MAN1C1: variants seen among roughly 807,000 people sequenced by gnomAD.
MAN1C1 encodes the protein mannosyl-oligosaccharide 1,2-alpha-mannosidase IC.
MAN1C1 carries 49 observed loss-of-function variants against 71.5 expected under a neutral mutation model. The ratio of observed to expected loss-of-function variants is 0.69; its 90% CI spans 0.54 to 0.87. The LOEUF (loss-of-function observed/expected upper bound fraction) is 0.87, where lower values mean the gene tolerates loss of function less well. Among genes scored for constraint, MAN1C1 ranks in the 40% least tolerant of loss-of-function variants. The pLI, the probability that MAN1C1 is intolerant of heterozygous loss-of-function variation, is 0.00. For missense variants in MAN1C1, 743 were observed against 835.0 expected (o/e 0.89, Z 1.36); for synonymous variants, 352 against 343.7 (o/e 1.02, Z -0.27).
At chr1:25,648,125 C>T (rs2045641674) in intron 1 of MAN1C1, among the ~76,000 whole-genome samples, 2 of 152,324 alleles carry the variant, frequency 1.3e-5, no homozygotes, top group South Asian at 4.1e-4. Flanking sequence ...AAGTCAGTGC[C>T]ATCTTATAAG....
chr1:25,655,678 G>C (rs147746659), intron 1 of MAN1C1, among the ~76,000 whole-genome samples: 1 of 152,052 alleles, frequency 6.6e-6, no homozygotes, highest in African/African-American at 2.4e-5. Flanking sequence ...TCTCTTATCG[G>C]CCTCTAATTA....
At chr1:25,648,683 A>G (rs781392197) in intron 1 of MAN1C1, among the ~76,000 whole-genome samples, 1 of 152,220 alleles carries the variant, frequency 6.6e-6, no homozygotes, top group Non-Finnish European at 1.5e-5. Context: ...ATGAGACACA[A>G]TTAGCATCCT....
chr1:25,721,394 A>G (rs1320802064), intron 2 of MAN1C1, among the ~76,000 whole-genome samples: 1 of 152,216 alleles, frequency 6.6e-6, no homozygotes, highest in Admixed American at 6.5e-5. Flanking sequence ...TTTTAATAAT[A>G]CTAAGTTTTC....
At chr1:25,682,729 A>G (rs2046171735) in intron 1 of MAN1C1, among the ~76,000 whole-genome samples, 1 of 152,150 alleles carries the variant, frequency 6.6e-6, no homozygotes. Flanking sequence ...GCAGCCCATC[A>G]CTGAGCGTGT....
chr1:25,640,760 G>A (rs938104003), intron 1 of MAN1C1, among the ~76,000 whole-genome samples: 1 of 152,202 alleles, frequency 6.6e-6, no homozygotes, highest in African/African-American at 2.4e-5. Context: ...CCACACTAAT[G>A]TACACTCAGA....
At chr1:25,771,555 T>TACAGGCACCGGGCCCCTGAGGTC in intron 7 of MAN1C1, 102 bp from the exon 8 acceptor site, 1 of 828,668 alleles carries the variant, frequency 1.2e-6, no homozygotes, top group African/African-American at 1.7e-5. Context: ...TTCCTACCCG[T>TACAGGCACCGGGCCCCTGAGGTC]ACAGGCACCG....
chr1:25,668,320 TCTC>T (rs563027592), intron 1 of MAN1C1, among the ~76,000 whole-genome samples: 3 of 152,096 alleles, frequency 2.0e-5, no homozygotes, highest in African/African-American at 7.2e-5. Flanking sequence ...CATTCAGAAT[TCTC>T]CTGCTGGCTG....
intron 1 of MAN1C1, among the ~76,000 whole-genome samples, chr1:25,679,950 A>AAAAAAT (rs1285307256): frequency 4.4e-4 from 51 of 117,216 alleles, no homozygotes; most frequent in African/African-American, 1.9e-3. Flanking sequence ...AAAAAAAAAA[A>AAAAAAT]ATATATATAT....
At chr1:25,703,668 C>T (rs1324568609) in intron 2 of MAN1C1, among the ~76,000 whole-genome samples, 3 of 151,792 alleles carry the variant, frequency 2.0e-5, no homozygotes, top group Non-Finnish European at 4.4e-5. Context: ...GCAACAAGAG[C>T]GAAACTCTGT....
At chr1:25,648,975 G>A (rs2045653790) in intron 1 of MAN1C1, among the ~76,000 whole-genome samples, 3 of 152,204 alleles carry the variant, frequency 2.0e-5, no homozygotes, top group Non-Finnish European at 4.4e-5. Flanking sequence ...ATTCTTCCCT[G>A]ACTACCTGTC....
chr1:25,635,542 C>T (rs562683797), intron 1 of MAN1C1, among the ~76,000 whole-genome samples: 17 of 151,510 alleles, frequency 1.1e-4, no homozygotes, highest in African/African-American at 2.4e-4. Context: ...CTCTGCCTCC[C>T]GAGTTCAAGT....
intron 1 of MAN1C1, chr1:25,654,148 A>G (rs1481028569): frequency 6.6e-6 from 1 of 152,284 alleles, no homozygotes; most frequent in Non-Finnish European, 1.5e-5. Context: ...TCATCCCTTC[A>G]TCCCCCAACC....
At chr1:25,690,288 CTTTTTTTT>C (rs33932251) in intron 2 of MAN1C1, among the ~76,000 whole-genome samples, 2 of 119,762 alleles carry the variant, frequency 1.7e-5, no homozygotes, top group Non-Finnish European at 3.3e-5. Context: ...ATCTCTGCCT[CTTTTTTTT>C]TTTTTTTTTT....
chr1:25,720,747 T>C (rs1158313724), intron 2 of MAN1C1, among the ~76,000 whole-genome samples: 1 of 152,220 alleles, frequency 6.6e-6, no homozygotes, highest in Admixed American at 6.5e-5. Flanking sequence ...TCCATTGCCT[T>C]ACCCAAGGTC....
rs368312740 is a variant in MAN1C1 at position 25,624,350 on chromosome 1, A to G, written c.540+6013A>G. Reference sequence around the variant, plus strand: ...TTTGGTGTCTCCACCCTCAAAGAGAATAGAAGCCACAGAGACCACAGCCTC... The same window carrying G: ...TTTGGTGTCTCCACCCTCAAAGAGAGTAGAAGCCACAGAGACCACAGCCTC... On this transcript the variant is annotated intron_variant, in intron 1 of 11. Coordinates refer to ENST00000374332, the MANE Select transcript of MAN1C1 (RefSeq NM_020379.4). 4.6e-5 allele frequency among the ~76,000 whole-genome samples: 7 copies of G among 152,320 alleles called. No individual in the cohort carries two copies. The East Asian group carries it at 1.2e-3, about 25-fold the overall frequency.
In MAN1C1 at chr1:25,644,358, T is replaced by C. The variant is rs924076264; in HGVS notation, c.540+26021T>C. ...AAGGTGACATAAAGAAGTGGGAGAC[T>C]GTGAGACATCTTGGAAGGGGGAGAG... On this transcript the variant is annotated intron_variant, in intron 1 of 11. Transcript: ENST00000374332. Among the ~76,000 whole-genome samples, 4 of 151,602 alleles carry C rather than the reference T, an allele frequency of 2.6e-5. No homozygotes were observed. The East Asian group carries it at 5.8e-4, about 22-fold the overall frequency.
chr1:25,723,650 A>G (rs190905206), intron 2 of MAN1C1, among the ~76,000 whole-genome samples: 1 of 152,318 alleles, frequency 6.6e-6, no homozygotes, highest in East Asian at 1.9e-4. Context: ...TGAACTCACA[A>G]TCTTTAACCA....
chr1:25,666,428 C>CG (rs2045925547), intron 1 of MAN1C1, among the ~76,000 whole-genome samples: 1 of 152,130 alleles, frequency 6.6e-6, no homozygotes, highest in African/African-American at 2.4e-5. Context: ...TGAGAGCAAA[C>CG]GGTAGCACAC....
chr1:25,617,340 C>G lies in MAN1C1; in HGVS notation c.-458C>G, dbSNP rs1253933165. On this transcript the variant is annotated 5_prime_UTR_variant, in exon 1 of 12. Coordinates refer to ENST00000374332, the MANE Select transcript of MAN1C1 (RefSeq NM_020379.4). The surrounding 1 kb of genome is among the most constrained non-coding windows in gnomAD (Gnocchi z 5.1). ...CTGCTTCTGAAGCTGAAACTTTGGG[C>G]GCCTACCAGCGCGGGCGGGAGCCTA... 1 of 151,586 alleles carries G rather than the reference C, an allele frequency of 6.6e-6. No individual in the cohort carries two copies. The highest frequency in any genetic ancestry group is 2.4e-5 in the African/African-American group (1 of 41,336). The allele number at this position is 151,586 out of a possible 1,614,324, so 9.4% of individuals were successfully genotyped here.
Sources: gnomAD v4.1 joint callset for allele counts (sites outside exome capture counted in the v4.1 genomes callset) on GRCh38, gnomAD v4.1.1 for gene constraint, Gnocchi (gnomAD v3.1) non-coding constraint, MANE v1.5 for transcripts, NCBI Gene and HGNC (gene_info 2026-07-23, HGNC 2026-07-21) for gene names.